Variants in NSMCE2 observed in about 807,000 individuals in gnomAD.
NSMCE2 encodes NSE2 SUMO ligase component of SMC5/6 complex, also known as E3 SUMO-protein ligase NSE2.
In NSMCE2, 24 loss-of-function variants were observed where a neutral mutation model predicts 23.8. The observed-to-expected ratio is 1.01, with a 90% CI of 0.73 to 1.42. The LOEUF is 1.42. Among genes scored for constraint, NSMCE2 ranks in the 40% most tolerant of loss-of-function variants. NSMCE2 has a pLI of 0.00. For missense variants in NSMCE2, 284 were observed against 296.5 expected, an observed-to-expected ratio of 0.96 and a Z score of 0.31; for synonymous variants, 92 against 94.1, an observed-to-expected ratio of 0.98 and a Z score of 0.13.
chr8:125,274,649 G>A (rs541104963), intron 5 of NSMCE2, among the ~76,000 whole-genome samples: 73 of 152,212 alleles, frequency 4.8e-4, no homozygotes, highest in African/African-American at 1.7e-3. Context: ...ACTATTTGTG[G>A]CCAGGCACGG....
chr8:125,136,515 A>G (rs1471413805), intron 3 of NSMCE2, among the ~76,000 whole-genome samples: 1 of 152,192 alleles, frequency 6.6e-6, no homozygotes, highest in Non-Finnish European at 1.5e-5. Context: ...AGGTGCCTGC[A>G]TGTGGGATGT....
At chr8:125,340,845 C>T (rs1440860173) in intron 5 of NSMCE2, among the ~76,000 whole-genome samples, 1 of 152,104 alleles carries the variant, frequency 6.6e-6, no homozygotes, top group Non-Finnish European at 1.5e-5. Context: ...TAAAATTATC[C>T]TTTTCTCAAT....
intron 3 of NSMCE2, chr8:125,130,073 C>T (rs1045233300): frequency 2.1e-5 from 7 of 327,638 alleles, no homozygotes; most frequent in Admixed American, 1.1e-4. Context: ...TCATCATCTT[C>T]GTAGACGCTT....
chr8:125,135,333 G>A (rs934621500), intron 3 of NSMCE2, among the ~76,000 whole-genome samples: 4 of 152,132 alleles, frequency 2.6e-5, no homozygotes, highest in Middle Eastern at 3.2e-3. Context: ...TTACAAGCTC[G>A]AGCCTCTGTG....
intron 4 of NSMCE2, among the ~76,000 whole-genome samples, chr8:125,163,540 A>G (rs1425004101): frequency 6.6e-6 from 1 of 152,210 alleles, no homozygotes; most frequent in African/African-American, 2.4e-5. Flanking sequence ...GGGTAATAAT[A>G]GTACTTGGCC....
In NSMCE2 at chr8:125,127,711, T is replaced by C. The variant is rs548239069; in HGVS notation, c.158-23460T>C. Among the ~76,000 whole-genome samples the C allele has an allele frequency of 3.9e-5, 6 of 152,232 alleles. No homozygotes were observed. In the East Asian group the frequency reaches 1.2e-3, roughly 29 times the overall value. ...CTTATGAGGGGTTTGGAGTCTTGGC[T>C]GAAACTTAATAATACAGGTTGAGTA... On this transcript the variant is annotated intron_variant, in intron 3 of 7. Coordinates refer to ENST00000287437, the MANE Select transcript of NSMCE2 (RefSeq NM_173685.4).
intron 5 of NSMCE2, among the ~76,000 whole-genome samples, chr8:125,227,806 T>C (rs189142767): frequency 6.6e-6 from 1 of 152,326 alleles, no homozygotes; most frequent in African/African-American, 2.4e-5. Context: ...TAACATTTTG[T>C]GGTTTCTTTT....
chr8:125,231,061 A>G (rs76320721), intron 5 of NSMCE2, among the ~76,000 whole-genome samples: 3,274 of 152,284 alleles, frequency 0.021, 127 homozygotes, highest in African/African-American at 0.075. Flanking sequence ...AATATATATT[A>G]TTCTGGTTTC....
At chr8:125,219,182 A>G (rs1660009406) in intron 5 of NSMCE2, among the ~76,000 whole-genome samples, 1 of 152,232 alleles carries the variant, frequency 6.6e-6, no homozygotes, top group Admixed American at 6.5e-5. Flanking sequence ...GGAGGCAGAT[A>G]GACAGAAAGA....
intron 5 of NSMCE2, among the ~76,000 whole-genome samples, chr8:125,257,968 A>G (rs867548773): frequency 3.3e-5 from 5 of 152,312 alleles, no homozygotes; most frequent in Admixed American, 2.0e-4. Context: ...TTTTGGAGAG[A>G]TGGAAAATAC....
chr8:125,313,869 G>A (rs1198419028), intron 5 of NSMCE2, among the ~76,000 whole-genome samples: 1 of 152,138 alleles, frequency 6.6e-6, no homozygotes, highest in Non-Finnish European at 1.5e-5. Flanking sequence ...CTGAGATTCA[G>A]TCCACCAGCT....
At chr8:125,172,510 A>C (rs1264009038) in intron 4 of NSMCE2, among the ~76,000 whole-genome samples, 1 of 152,164 alleles carries the variant, frequency 6.6e-6, no homozygotes, top group Non-Finnish European at 1.5e-5. Context: ...AAAAGCGAAA[A>C]ATATGCTCTC....
intron 5 of NSMCE2, among the ~76,000 whole-genome samples, chr8:125,299,143 A>G (rs891330727): frequency 4.6e-5 from 7 of 152,212 alleles, no homozygotes; most frequent in Admixed American, 1.3e-4. Flanking sequence ...TTATAGCATC[A>G]CCTACACATA....
At chr8:125,142,818 T>C (rs914733827) in intron 3 of NSMCE2, among the ~76,000 whole-genome samples, 12 of 152,116 alleles carry the variant, frequency 7.9e-5, no homozygotes, top group Non-Finnish European at 1.6e-4. Flanking sequence ...GTCAGGCTGG[T>C]CTCGAACTCC....
At chr8:125,292,961 C>G (rs1828170421) in intron 5 of NSMCE2, among the ~76,000 whole-genome samples, 1 of 152,114 alleles carries the variant, frequency 6.6e-6, no homozygotes, top group Non-Finnish European at 1.5e-5. Flanking sequence ...GCAGTATTTC[C>G]CAACTAAGAA....
chr8:125,222,322 T>C (rs1824901133), intron 5 of NSMCE2, among the ~76,000 whole-genome samples: 1 of 152,200 alleles, frequency 6.6e-6, no homozygotes, highest in Non-Finnish European at 1.5e-5. Context: ...AATAATTAAA[T>C]CAAGTTAATT....
At chr8:125,093,395 A>G (rs1408314891) in intron 1 of NSMCE2, among the ~76,000 whole-genome samples, 2 of 152,170 alleles carry the variant, frequency 1.3e-5, no homozygotes. Context: ...GCAGATAGAA[A>G]ACTGAAGAGA....
chr8:125,157,071 A>G (rs1014363225), intron 4 of NSMCE2, among the ~76,000 whole-genome samples: 2 of 152,198 alleles, frequency 1.3e-5, no homozygotes, highest in African/African-American at 4.8e-5. Context: ...CCACTTACTG[A>G]CTGAATATAA....
Position 125,329,401 on chromosome 8 carries a change from C to T in NSMCE2, c.419-27818C>T, listed in dbSNP as rs187784981. Among the ~76,000 whole-genome samples the T allele has an allele frequency of 2.0e-5, 3 of 152,242 alleles. No individual in the cohort carries two copies. In the East Asian group the frequency reaches 5.8e-4, roughly 29 times the overall value. ...CAGAGCTGTCACAAAACCTGGAGAC[C>T]GCCATTGTTTTTTGATATCCTGTTT... On this transcript the variant is annotated intron_variant, in intron 5 of 7. Coordinates refer to ENST00000287437, the MANE Select transcript of NSMCE2 (RefSeq NM_173685.4).
Sources: allele counts gnomAD v4.1 joint callset (sites outside exome capture counted in the v4.1 genomes callset), GRCh38; gene constraint gnomAD v4.1.1; transcripts MANE v1.5; gene names NCBI Gene and HGNC (gene_info 2026-07-23, HGNC 2026-07-21).